The following PBRM1 variants were observed in gnomAD, a reference collection of about 807,000 sequenced individuals.
PBRM1 encodes the protein protein polybromo-1.
PBRM1 carries 27 observed loss-of-function variants against 194.5 expected under a neutral mutation model. The ratio of observed to expected loss-of-function variants is 0.14; its 90% confidence interval spans 0.10 to 0.19. The LOEUF (loss-of-function observed/expected upper bound fraction) is 0.19. Among genes scored for constraint, PBRM1 ranks in the 10% least tolerant of loss-of-function variants. The pLI, the probability that PBRM1 is intolerant of heterozygous loss-of-function variation, is 1.00. For synonymous variants in PBRM1, 655 were observed against 693.2 expected, an observed-to-expected ratio of 0.94 and a Z score of 0.87; for missense variants, 1,466 against 2,077.2, an observed-to-expected ratio of 0.71 and a Z score of 5.72.
chr3:52,636,035 GT>G (rs71084198), intron 10 of PBRM1, among the ~76,000 whole-genome samples: 8,957 of 150,736 alleles, frequency 0.059, 356 homozygotes, highest in Non-Finnish European at 0.085. Flanking sequence ...GGCCAATTTG[GT>G]TTTTTTTTGT....
intron 18 of PBRM1, 32 bp downstream of exon 20, chr3:52,589,038 C>T (rs1560121022): frequency 6.5e-7 from 1 of 1,542,948 alleles, no homozygotes; most frequent in Admixed American, 1.7e-5. Flanking sequence ...TCATATCTCA[C>T]TAAACTGTCC....
chr3:52,547,608 C>T, downstream of PBRM1: 1 of 233,678 alleles, frequency 4.3e-6, no homozygotes, highest in African/African-American at 2.2e-5. Flanking sequence ...CTAGGACAAA[C>T]TTCACATTTC....
rs367945539 is a variant in PBRM1, at chr3:52,625,651, T to A, written c.1541+1622A>T. On this transcript the variant is annotated intron_variant, in intron 13 of 29. Coordinates refer to ENST00000296302, the Ensembl canonical transcript of PBRM1. ...GTGCAATGGTACAATCTCGGCTCAC[T>A]GCAACCTCCACTTCCCAGGTTCAAG... Among the ~76,000 whole-genome samples, 5 of 151,956 alleles carry A rather than the reference T, an allele frequency of 3.3e-5. No homozygotes were observed. The East Asian group carries it at 7.8e-4, about 24-fold the overall frequency.
chr3:52,681,612 G>A (rs781460961), upstream of PBRM1: 125 of 449,308 alleles, frequency 2.8e-4, no homozygotes, highest in Non-Finnish European at 3.6e-4. Flanking sequence ...TTGTGGAAAG[G>A]ATAACAAAAA....
chr3:52,684,149 CAA>C (rs1435269812), upstream of PBRM1, among the ~76,000 whole-genome samples: 1 of 79,844 alleles, frequency 1.3e-5, no homozygotes, highest in African/African-American at 5.0e-5. Flanking sequence ...GCCTGGGCAA[CAA>C]AGTCAGACCT....
intron 11 of PBRM1, among the ~76,000 whole-genome samples, chr3:52,630,647 C>T (rs1395376454): frequency 4.6e-5 from 7 of 152,154 alleles, no homozygotes; most frequent in Non-Finnish European, 7.3e-5. Flanking sequence ...GCTCACAATC[C>T]GCGGAAGGCA....
chr3:52,581,259 C>T (rs1308267579), intron 20 of PBRM1, among the ~76,000 whole-genome samples: 1 of 152,158 alleles, frequency 6.6e-6, no homozygotes, highest in African/African-American at 2.4e-5. Flanking sequence ...CCTGTAATCC[C>T]AGCACTTTGG....
At chr3:52,574,726 A>C (rs2088806114) in intron 22 of PBRM1, among the ~76,000 whole-genome samples, 1 of 152,198 alleles carries the variant, frequency 6.6e-6, no homozygotes, top group African/African-American at 2.4e-5. Flanking sequence ...CAGAGTTGTA[A>C]TCTGCATGGC....
intron 10 of PBRM1, among the ~76,000 whole-genome samples, chr3:52,635,549 G>A (rs1177480306): frequency 6.6e-6 from 1 of 151,982 alleles, no homozygotes; most frequent in Non-Finnish European, 1.5e-5. Context: ...CTGGGTGACG[G>A]ATGAAGACTC....
At chr3:52,633,680 T>C (rs2095698161) in intron 11 of PBRM1, among the ~76,000 whole-genome samples, 1 of 152,202 alleles carries the variant, frequency 6.6e-6, no homozygotes, top group Non-Finnish European at 1.5e-5. Context: ...TTATTATTAT[T>C]ACTTTTTTAA....
At chr3:52,622,039 G>GT (rs1016819880) in intron 13 of PBRM1, among the ~76,000 whole-genome samples, 1 of 145,464 alleles carries the variant, frequency 6.9e-6, no homozygotes, top group African/African-American at 2.6e-5. Context: ...GAGTGAGACT[G>GT]TCTCAAAAAA....
At chr3:52,643,224 C>CA in intron 9 of PBRM1, 24 bp downstream of exon 10, 2 of 1,512,974 alleles carry the variant, frequency 1.3e-6, no homozygotes, top group Non-Finnish European at 1.8e-6. Context: ...GGTCAACTCT[C>CA]AGACTAAACA....
At chr3:52,549,455 A>G (rs1333511288) in intron 29 of PBRM1, among the ~76,000 whole-genome samples, 1 of 152,144 alleles carries the variant, frequency 6.6e-6, no homozygotes, top group African/African-American at 2.4e-5. Flanking sequence ...CTGGCCAATA[A>G]TTTTTAATTT....
intron 21 of PBRM1, 147 bp downstream of exon 23, chr3:52,578,907 G>C: frequency 1.3e-6 from 1 of 760,616 alleles, no homozygotes; most frequent in African/African-American, 1.7e-5. Context: ...AAGGAAGAAA[G>C]TGTGGTTGGA....
chr3:52,591,511 GTTTTTTTTTTTT>G (rs57736913), intron 17 of PBRM1, among the ~76,000 whole-genome samples: 1 of 71,850 alleles, frequency 1.4e-5, no homozygotes, highest in Non-Finnish European at 2.5e-5. Context: ...TTTTGTCTTT[GTTTTTTTTTTTT>G]TTTTTTTTTT....
chr3:52,647,324 G>A, intron 7 of PBRM1, among the ~76,000 whole-genome samples: 1 of 147,332 alleles, frequency 6.8e-6, no homozygotes, highest in Non-Finnish European at 1.5e-5. Flanking sequence ...TGGTGGGAAT[G>A]TAAAATGGTA....
chr3:52,587,520 G>T lies in PBRM1; in HGVS notation c.2966-10C>A. ...TACAACCATTTTTCACCTCAAAAAT[G>T]GGGGGTGGGGGAAGGGGAAGAGAAA... On this transcript the variant is annotated splice_polypyrimidine_tract_variant and intron_variant, in intron 18 of 29. Coordinates refer to ENST00000296302, the Ensembl canonical transcript of PBRM1. 6.4e-7 allele frequency: 1 copy of T among 1,573,244 alleles called. No individual in the cohort carries two copies. Among genetic ancestry groups the T allele is most frequent in the Non-Finnish European group, 8.6e-7 (1 of 1,158,142 alleles).
At chr3:52,546,133 A>T (rs2079650601), downstream of PBRM1, 1 of 232,120 alleles carries the variant, frequency 4.3e-6, no homozygotes, top group Non-Finnish European at 8.5e-6. Flanking sequence ...CCAGTGAAAA[A>T]TTTTTTTAGA....
rs149018136 is a variant in PBRM1, at chr3:52,578,176, C to T, written c.3533+878G>A. 4.0e-3 allele frequency among the ~76,000 whole-genome samples: 612 copies of T among 152,272 alleles called. 3 individuals are homozygous for T. The highest frequency in any genetic ancestry group is 0.023 in the South Asian group (110 of 4,824). ...CAGTGAGGCCTATATAAACCATTCT[C>T]CCTGCTCTGACCATGGGACCCCCTT... On this transcript the variant is annotated intron_variant, in intron 21 of 29. Transcript: ENST00000296302.
Sources: allele counts gnomAD v4.1 joint callset (sites outside exome capture counted in the v4.1 genomes callset), GRCh38; gene constraint gnomAD v4.1.1; transcripts MANE v1.5; gene names NCBI Gene and HGNC (gene_info 2026-07-23, HGNC 2026-07-21).